Variants in TANGO6 observed in about 807,000 individuals in gnomAD.
TANGO6 encodes transport and golgi organization 6 homolog.
Under a neutral mutation model 114.2 loss-of-function variants are expected in TANGO6, and 90 were observed. The observed-to-expected ratio is 0.79, with a 90% CI of 0.66 to 0.94. TANGO6 has a LOEUF of 0.94. Ranked by LOEUF, TANGO6 falls within the 40% of genes least tolerant of loss-of-function variation. The probability of loss-of-function intolerance (pLI) is 0.00; values close to 1 mark genes in which losing one functional copy is unlikely to be tolerated. For synonymous variants in TANGO6, 477 were observed against 509.8 expected (o/e 0.94, Z 0.87); for missense variants, 1,274 against 1,315.3 (o/e 0.97, Z 0.49).
intron 15 of TANGO6, among the ~76,000 whole-genome samples, chr16:69,001,950 A>T (rs1407609777): frequency 2.6e-5 from 4 of 152,180 alleles, no homozygotes; most frequent in South Asian, 2.1e-4. Flanking sequence ...GCTGTTATAC[A>T]CCAAGGCTAA....
intron 17 of TANGO6, among the ~76,000 whole-genome samples, chr16:69,047,283 T>G (rs560205180): frequency 3.4e-4 from 51 of 151,728 alleles, no homozygotes; most frequent in Non-Finnish European, 1.2e-4. Flanking sequence ...TCACCTGAGG[T>G]CAGGAGTTCG....
At chr16:68,918,188 G>A (rs143160905) in intron 11 of TANGO6, among the ~76,000 whole-genome samples, 4,373 of 152,178 alleles carry the variant, frequency 0.029, 227 homozygotes, top group African/African-American at 0.099. Context: ...GATTACAGGC[G>A]TGAGCCACCG....
chr16:68,971,150 CAA>C (rs1211343043), intron 14 of TANGO6, among the ~76,000 whole-genome samples: 29 of 73,512 alleles, frequency 3.9e-4, no homozygotes, highest in Non-Finnish European at 2.2e-4. Context: ...GACTCCATCT[CAA>C]AAAAAAAAAA....
At chr16:69,070,163 G>A (rs1352922505) in intron 17 of TANGO6, among the ~76,000 whole-genome samples, 1 of 150,390 alleles carries the variant, frequency 6.6e-6, no homozygotes, top group South Asian at 2.1e-4. Context: ...AGCCGAGATC[G>A]TGCCACTGCA....
rs1026518937 is a variant in TANGO6, at chr16:68,930,213, T to C, written c.2644-25T>C. ...TCTTCCTTGTTCTTTGTAAATCTTA[T>C]CACTGCTGTATTTTGTGGTTCCAGA... On this transcript the variant is annotated intron_variant, in intron 13 of 17. Coordinates refer to ENST00000261778, the MANE Select transcript of TANGO6 (RefSeq NM_024562.2). 1.9e-6 allele frequency: 3 copies of C among 1,547,200 alleles called. No homozygotes were observed. In the East Asian group the frequency reaches 7.3e-5, roughly 38 times the overall value.
intron 7 of TANGO6, among the ~76,000 whole-genome samples, chr16:68,893,569 C>T (rs2152177531): frequency 6.6e-6 from 1 of 151,868 alleles, no homozygotes; most frequent in Admixed American, 6.6e-5. Context: ...GAAACCGTGT[C>T]TACTAAAAAT....
chr16:69,023,900 T>TA (rs1959454655), intron 16 of TANGO6, among the ~76,000 whole-genome samples: 2 of 152,222 alleles, frequency 1.3e-5, no homozygotes, highest in African/African-American at 4.8e-5. Flanking sequence ...TTTTAGAGTT[T>TA]TTTATTATTA....
intron 14 of TANGO6, among the ~76,000 whole-genome samples, chr16:68,945,647 A>G (rs1303596669): frequency 3.3e-5 from 5 of 150,528 alleles, no homozygotes; most frequent in Non-Finnish European, 7.4e-5. Context: ...TTCATTGCCC[A>G]TTTGTAAATC....
intron 14 of TANGO6, among the ~76,000 whole-genome samples, chr16:68,971,821 C>T (rs530649670): frequency 8.6e-5 from 13 of 151,126 alleles, no homozygotes; most frequent in East Asian, 2.0e-4. Context: ...TTAGTAGAGA[C>T]GGGGTTTCAC....
intron 14 of TANGO6, among the ~76,000 whole-genome samples, chr16:68,970,077 G>A (rs1963687418): frequency 6.6e-6 from 1 of 152,158 alleles, no homozygotes; most frequent in Admixed American, 6.6e-5. Context: ...AGTCATGGTG[G>A]TGGGGATGGA....
chr16:68,965,161 TG>T (rs559632759), intron 14 of TANGO6, among the ~76,000 whole-genome samples: 8 of 152,116 alleles, frequency 5.3e-5, no homozygotes, highest in Non-Finnish European at 1.0e-4. Context: ...TTTTTTTGTT[TG>T]TTTTTTTTAT....
chr16:69,012,602 A>G (rs1964154301), intron 15 of TANGO6, among the ~76,000 whole-genome samples: 1 of 151,484 alleles, frequency 6.6e-6, no homozygotes, highest in South Asian at 2.1e-4. Context: ...AAAGAAAGAA[A>G]TACCTGAGGA....
intron 15 of TANGO6, among the ~76,000 whole-genome samples, chr16:68,981,306 G>A (rs947108412): frequency 6.7e-6 from 1 of 150,020 alleles, no homozygotes. Flanking sequence ...TGCCTTCCGG[G>A]TTCAAGCAAT....
intron 17 of TANGO6, among the ~76,000 whole-genome samples, chr16:69,056,997 CTTTTTTTTTTTTTT>C (rs71148961): frequency 5.0e-5 from 3 of 59,822 alleles, no homozygotes; most frequent in African/African-American, 6.8e-5. Context: ...GCCTGATTTT[CTTTTTTTTTTTTTT>C]TTTTTTTTTT....
chr16:68,909,118 C>T, intron 10 of TANGO6, 93 bp from the exon 11 acceptor site: 2 of 1,049,814 alleles, frequency 1.9e-6, no homozygotes, highest in Admixed American at 4.1e-5. Flanking sequence ...TTTATTTAAA[C>T]ATGCAGTTCA....
chr16:68,911,914 C>T (rs956391888), intron 11 of TANGO6, among the ~76,000 whole-genome samples: 1 of 152,110 alleles, frequency 6.6e-6, no homozygotes, highest in Non-Finnish European at 1.5e-5. Flanking sequence ...GAAGGGACTC[C>T]CATTGCCATA....
chr16:68,930,270 T>C lies in TANGO6; in HGVS notation c.2676T>C (p.Thr892=). ...TGGAAAACTTGGAACATGAAGACAC[T>C]TTTGTATATCTATCTGCAATTCAGG... ...IFLENLEHED[T]FVYLSAIQGV... is the part of the protein sequence containing the mutation. The change falls in exon 14 of 18, where the codon ACT becomes ACC. Residue 892 remains threonine, a synonymous_variant. Transcript: ENST00000261778. The C allele has an allele frequency of 6.4e-7, 1 of 1,554,696 alleles. No homozygotes were observed. Among genetic ancestry groups the C allele is most frequent in the Non-Finnish European group, 8.7e-7 (1 of 1,147,958 alleles).
At chr16:68,863,344 A>G (rs995140286) in intron 3 of TANGO6, among the ~76,000 whole-genome samples, 3 of 152,096 alleles carry the variant, frequency 2.0e-5, no homozygotes, top group South Asian at 2.1e-4. Flanking sequence ...ACGGTGGCTC[A>G]CGCCTGTAAT....
At chr16:69,072,273 G>A (rs186560634) in intron 17 of TANGO6, among the ~76,000 whole-genome samples, 5 of 152,130 alleles carry the variant, frequency 3.3e-5, no homozygotes, top group Admixed American at 2.0e-4. Flanking sequence ...CTTCTCAGAT[G>A]GTGAAAGTGT....
Sources: allele counts gnomAD v4.1 joint callset (sites outside exome capture counted in the v4.1 genomes callset), GRCh38; gene constraint gnomAD v4.1.1; transcripts MANE v1.5; gene names NCBI Gene and HGNC (gene_info 2026-07-23, HGNC 2026-07-21).